The following DPYD variants were observed in gnomAD, a reference collection of about 807,000 sequenced individuals.
The protein encoded by DPYD is dihydropyrimidine dehydrogenase.
In DPYD, 109 loss-of-function variants were observed where a neutral mutation model predicts 116.2. That is an observed-to-expected ratio of 0.94 (90% confidence interval 0.80 to 1.10). The LOEUF (loss-of-function observed/expected upper bound fraction) is 1.10. Among genes scored for constraint, DPYD ranks in the 50% least tolerant of loss-of-function variants. DPYD has a pLI of 0.00. For missense variants in DPYD, 1,302 were observed against 1,254.5 expected (o/e 1.04, Z -0.57); for synonymous variants, 440 against 432.0 (o/e 1.02, Z -0.23).
chr1:97,687,311 A>G (rs1660790578), intron 7 of DPYD, among the ~76,000 whole-genome samples: 1 of 152,062 alleles, frequency 6.6e-6, no homozygotes, highest in African/African-American at 2.4e-5. Context: ...AAACTTACGT[A>G]AAGGACATGA....
intron 8 of DPYD, among the ~76,000 whole-genome samples, chr1:97,600,318 G>A (rs1239221722): frequency 6.6e-6 from 1 of 152,084 alleles, no homozygotes; most frequent in African/African-American, 2.4e-5. Flanking sequence ...TTCTAATGCT[G>A]GCTTGGGAAA....
At chr1:97,882,044 A>C (rs919561381) in intron 2 of DPYD, among the ~76,000 whole-genome samples, 2 of 151,736 alleles carry the variant, frequency 1.3e-5, no homozygotes, top group African/African-American at 4.8e-5. Context: ...TATAATAAAA[A>C]AATTATATGA....
intron 8 of DPYD, among the ~76,000 whole-genome samples, chr1:97,610,826 G>A (rs1655896954): frequency 6.6e-6 from 1 of 151,944 alleles, no homozygotes; most frequent in African/African-American, 2.4e-5. Flanking sequence ...ATCATGATTA[G>A]CTGCTTACAA....
At chr1:97,823,573 A>C (rs534578766) in intron 3 of DPYD, among the ~76,000 whole-genome samples, 2 of 152,276 alleles carry the variant, frequency 1.3e-5, no homozygotes, top group Admixed American at 6.5e-5. Flanking sequence ...ATTCCACATA[A>C]AAGTGAGATC....
chr1:97,594,687 G>A (rs980542943), intron 9 of DPYD, among the ~76,000 whole-genome samples: 34 of 152,024 alleles, frequency 2.2e-4, no homozygotes, highest in African/African-American at 8.2e-4. Flanking sequence ...TTTAAGAGAA[G>A]ACAGTCAATC....
At chr1:97,674,188 G>A (rs1231159854) in intron 8 of DPYD, among the ~76,000 whole-genome samples, 1 of 152,136 alleles carries the variant, frequency 6.6e-6, no homozygotes, top group Admixed American at 6.6e-5. Flanking sequence ...GAGGGGAGTG[G>A]TGGTAGCAAG....
In DPYD at chr1:97,330,883, A is replaced by G. The variant is rs146888780; in HGVS notation, c.2059-24586T>C. 4.5e-3 allele frequency among the ~76,000 whole-genome samples: 679 copies of G among 152,332 alleles called. 9 individuals are homozygous for G. Among genetic ancestry groups the G allele is most frequent in the African/African-American group, 0.015 (637 of 41,592 alleles). On this transcript the variant is annotated intron_variant, in intron 16 of 22. Transcript: ENST00000370192. ...TTTTTCATCATGCAATATCATCCAC[A>G]GGGACAATCATAATATTGGTACATG...
chr1:97,152,830 C>T (rs1336633933), intron 20 of DPYD, among the ~76,000 whole-genome samples: 1 of 151,946 alleles, frequency 6.6e-6, no homozygotes, highest in African/African-American at 2.4e-5. Flanking sequence ...TTCATGGTTG[C>T]GTTTTCCCAC....
chr1:97,319,513 T>G lies in DPYD; in HGVS notation c.2059-13216A>C, dbSNP rs1057217805. Among the ~76,000 whole-genome samples the G allele has an allele frequency of 5.8e-4, 79 of 135,946 alleles. 1 individual carries two copies. The highest frequency in any genetic ancestry group is 2.1e-3 in the African/African-American group (75 of 35,186). The allele number at this position is 135,946 out of a possible 152,430, so 89.2% of individuals were successfully genotyped here. On this transcript the variant is annotated intron_variant, in intron 16 of 22. Transcript: ENST00000370192. ...TGGATACATTCCTCGACACATACAC[T>G]CTCCCAAGACTAAACCAGGAAGCAG... is the stretch of plus-strand genomic sequence containing the variant.
intron 8 of DPYD, among the ~76,000 whole-genome samples, chr1:97,677,150 A>C (rs1660189604): frequency 6.6e-6 from 1 of 152,180 alleles, no homozygotes; most frequent in Admixed American, 6.5e-5. Flanking sequence ...AACTACTCAG[A>C]GTGATAAACA....
chr1:97,520,936 G>A (rs1648610015), intron 12 of DPYD, among the ~76,000 whole-genome samples: 1 of 127,862 alleles, frequency 7.8e-6, no homozygotes. Context: ...CAATAAACAT[G>A]TGTGTGCATA....
intron 19 of DPYD, among the ~76,000 whole-genome samples, chr1:97,213,854 C>A (rs746692127): frequency 2.4e-4 from 37 of 152,072 alleles, no homozygotes; most frequent in Non-Finnish European, 4.4e-4. Flanking sequence ...CTGCTTTGAC[C>A]AAGGAATAAA....
At chr1:97,309,446 C>T (rs138692461) in intron 16 of DPYD, among the ~76,000 whole-genome samples, 75 of 151,532 alleles carry the variant, frequency 4.9e-4, no homozygotes, top group African/African-American at 1.7e-3. Flanking sequence ...AAAATGATTT[C>T]CTGTGACAGA....
chr1:97,298,924 TG>T (rs1666702349), intron 18 of DPYD, among the ~76,000 whole-genome samples: 1 of 152,140 alleles, frequency 6.6e-6, no homozygotes, highest in South Asian at 2.1e-4. Context: ...GCTCACTGCT[TG>T]GTACAGCCCC....
At chr1:97,609,220 G>C (rs149302035) in intron 8 of DPYD, among the ~76,000 whole-genome samples, 36 of 151,942 alleles carry the variant, frequency 2.4e-4, no homozygotes, top group African/African-American at 8.7e-4. Flanking sequence ...ATATTCTAAT[G>C]CTAAGCCATG....
intron 8 of DPYD, among the ~76,000 whole-genome samples, chr1:97,617,999 G>T (rs78874992): frequency 0.013 from 1,997 of 152,282 alleles, 22 homozygotes; most frequent in Middle Eastern, 0.024. Context: ...GGTCAGATCT[G>T]CTGTAGGTCT....
At position 97,550,668 on chromosome 1, in the gene DPYD, C is replaced by T. The variant is rs148419289; in HGVS notation, c.1340-924G>A. On this transcript the variant is annotated intron_variant, in intron 11 of 22. Coordinates refer to ENST00000370192, the MANE Select transcript of DPYD (RefSeq NM_000110.4). ...CAGGTAACGTCATAATTTTTAAGCA[C>T]AGCATCTCAGACAGACTAAGGGCCT... Among the ~76,000 whole-genome samples the T allele has an allele frequency of 1.5e-3, 229 of 152,188 alleles. 1 individual carries two copies. Among genetic ancestry groups the T allele is most frequent in the African/African-American group, 5.3e-3 (221 of 41,538 alleles).
chr1:97,319,266 C>A (rs1425935858), intron 16 of DPYD, among the ~76,000 whole-genome samples: 1 of 150,800 alleles, frequency 6.6e-6, no homozygotes, highest in Non-Finnish European at 1.5e-5. Context: ...ACACAAAAAA[C>A]CCTTCAAAAA....
At chr1:97,380,177 G>A (rs767671202) in intron 15 of DPYD, among the ~76,000 whole-genome samples, 2 of 152,176 alleles carry the variant, frequency 1.3e-5, no homozygotes, top group African/African-American at 2.4e-5. Context: ...TGAACCTTCA[G>A]AAATGGCTCA....
Sources: allele counts gnomAD v4.1 joint callset (sites outside exome capture counted in the v4.1 genomes callset), GRCh38; gene constraint gnomAD v4.1.1; transcripts MANE v1.5; gene names NCBI Gene and HGNC (gene_info 2026-07-23, HGNC 2026-07-21).